Variants in SLC24A2 observed in about 807,000 individuals in gnomAD.
The protein encoded by SLC24A2 is sodium/potassium/calcium exchanger 2.
In SLC24A2, 36 loss-of-function variants were observed where a neutral mutation model predicts 62.0. The ratio of observed to expected loss-of-function variants is 0.58; its 90% CI spans 0.44 to 0.77. The LOEUF (loss-of-function observed/expected upper bound fraction) is 0.77. Ranked by LOEUF, SLC24A2 falls within the 30% of genes least tolerant of loss-of-function variation. The pLI, the probability that SLC24A2 is intolerant of heterozygous loss-of-function variation, is 0.00. For synonymous variants in SLC24A2, 358 were observed against 294.0 expected (o/e 1.22, Z -2.23); for missense variants, 846 against 817.9 (o/e 1.03, Z -0.42).
the SLC24A2 span, among the ~76,000 whole-genome samples, chr9:20,039,657 T>G: frequency 1.3e-5 from 2 of 152,044 alleles, no homozygotes; most frequent in Non-Finnish European, 2.9e-5. Flanking sequence ...CAGGGCAACT[T>G]GGAGCCCACT....
At chr9:19,854,802 A>G in the SLC24A2 span, among the ~76,000 whole-genome samples, 24 of 152,196 alleles carry the variant, frequency 1.6e-4, no homozygotes, top group African/African-American at 5.8e-4. Flanking sequence ...GATGTCTATC[A>G]GGTCCACTTG....
the SLC24A2 span, among the ~76,000 whole-genome samples, chr9:20,006,481 G>C: frequency 6.6e-6 from 1 of 151,902 alleles, no homozygotes; most frequent in Non-Finnish European, 1.5e-5. Flanking sequence ...TTGGATGTTT[G>C]TAACACAAAA....
At chr9:20,265,352 G>C in the SLC24A2 span, among the ~76,000 whole-genome samples, 10 of 152,152 alleles carry the variant, frequency 6.6e-5, no homozygotes, top group African/African-American at 1.9e-4. Flanking sequence ...CAAACGGAGG[G>C]ACCAGCTGAA....
the SLC24A2 span, among the ~76,000 whole-genome samples, chr9:19,823,140 G>C: frequency 1.3e-5 from 2 of 152,126 alleles, no homozygotes; most frequent in Admixed American, 1.3e-4. Context: ...CTTAATCCTT[G>C]TAAGTATGGG....
the SLC24A2 span, among the ~76,000 whole-genome samples, chr9:20,018,303 G>T: frequency 6.6e-6 from 1 of 152,176 alleles, no homozygotes; most frequent in Non-Finnish European, 1.5e-5. Flanking sequence ...ATCACAGAGT[G>T]ATTGCAATTT....
the SLC24A2 span, among the ~76,000 whole-genome samples, chr9:19,949,444 T>G: frequency 6.6e-6 from 1 of 152,174 alleles, no homozygotes; most frequent in African/African-American, 2.4e-5. Context: ...AAGAAATACA[T>G]AACAAAATGT....
At chr9:20,026,975 T>A in the SLC24A2 span, among the ~76,000 whole-genome samples, 33 of 151,886 alleles carry the variant, frequency 2.2e-4, no homozygotes, top group Non-Finnish European at 4.6e-4. Flanking sequence ...AACTATATAG[T>A]AGAAAAAAAT....
the SLC24A2 span, among the ~76,000 whole-genome samples, chr9:19,820,039 A>ATGTG: frequency 4.8e-5 from 1 of 20,674 alleles, no homozygotes; most frequent in Non-Finnish European, 3.5e-4. Context: ...ATATATATAT[A>ATGTG]TACATATATA....
At chr9:19,548,988 T>G (rs1214337069) in intron 8 of SLC24A2, among the ~76,000 whole-genome samples, 1 of 152,190 alleles carries the variant, frequency 6.6e-6, no homozygotes, top group Non-Finnish European at 1.5e-5. Flanking sequence ...TCTCCTTCCC[T>G]CTCCTTAGTT....
At chr9:19,709,558 T>C (rs1820648987) in intron 2 of SLC24A2, among the ~76,000 whole-genome samples, 1 of 151,808 alleles carries the variant, frequency 6.6e-6, no homozygotes, top group Admixed American at 6.6e-5. Flanking sequence ...ATATACACCA[T>C]GGAATACTAT....
the SLC24A2 span, among the ~76,000 whole-genome samples, chr9:20,090,681 C>T: frequency 6.6e-6 from 1 of 151,808 alleles, no homozygotes; most frequent in Non-Finnish European, 1.5e-5. Context: ...CCTGTGAAAA[C>T]ATCAAGAAAA....
At chr9:19,764,537 T>A (rs1447588690) in intron 2 of SLC24A2, among the ~76,000 whole-genome samples, 1 of 152,212 alleles carries the variant, frequency 6.6e-6, no homozygotes, top group African/African-American at 2.4e-5. Flanking sequence ...ACTTATTTAT[T>A]TCTGTCTTAA....
chr9:20,055,940 T>A, the SLC24A2 span, among the ~76,000 whole-genome samples: 1 of 151,642 alleles, frequency 6.6e-6, no homozygotes, highest in Non-Finnish European at 1.5e-5. Flanking sequence ...GCTCCAAAGT[T>A]CATGTTCTTA....
At chr9:19,658,429 T>C (rs899388114) in intron 2 of SLC24A2, among the ~76,000 whole-genome samples, 2 of 152,216 alleles carry the variant, frequency 1.3e-5, no homozygotes, top group Non-Finnish European at 2.9e-5. Context: ...GTGGGGAAGC[T>C]GGCTCATTTG....
At chr9:20,003,294 G>T in the SLC24A2 span, among the ~76,000 whole-genome samples, 12 of 152,098 alleles carry the variant, frequency 7.9e-5, no homozygotes, top group East Asian at 2.1e-3. Flanking sequence ...TAGCCACATA[G>T]CCACATATCC....
At chr9:19,894,215 A>C in the SLC24A2 span, among the ~76,000 whole-genome samples, 10 of 152,202 alleles carry the variant, frequency 6.6e-5, no homozygotes, top group African/African-American at 2.4e-4. Context: ...CCTTTCCGTC[A>C]TCTCACACTG....
At chr9:19,533,877 G>A (rs1171146082) in intron 8 of SLC24A2, among the ~76,000 whole-genome samples, 7 of 152,180 alleles carry the variant, frequency 4.6e-5, no homozygotes, top group African/African-American at 7.2e-5. Context: ...TGTGTCAACT[G>A]GCATGGTTTC....
At chr9:19,643,485 G>T (rs1280420547) in intron 2 of SLC24A2, among the ~76,000 whole-genome samples, 1 of 151,968 alleles carries the variant, frequency 6.6e-6, no homozygotes, top group Non-Finnish European at 1.5e-5. Flanking sequence ...GATCCTTTGG[G>T]GTATATTTCT....
the SLC24A2 span, among the ~76,000 whole-genome samples, chr9:20,250,230 T>G: frequency 4.6e-5 from 7 of 152,364 alleles, no homozygotes; most frequent in South Asian, 8.3e-4. Context: ...TAAATCATCC[T>G]GCTCATGCTA....
Sources: allele counts gnomAD v4.1 joint callset (sites outside exome capture counted in the v4.1 genomes callset), GRCh38; gene constraint gnomAD v4.1.1; transcripts MANE v1.5; gene names NCBI Gene and HGNC (gene_info 2026-07-23, HGNC 2026-07-21).